SMC5: variants seen among roughly 807,000 people sequenced by gnomAD.
SMC5 encodes the protein structural maintenance of chromosomes 5, also known as structural maintenance of chromosomes protein 5.
Under a neutral mutation model 148.3 loss-of-function variants are expected in SMC5, and 88 were observed. That is an observed-to-expected ratio of 0.59 (90% confidence interval 0.50 to 0.71). The LOEUF (loss-of-function observed/expected upper bound fraction) is 0.71. SMC5 is among the 30% of genes least tolerant of loss of function. SMC5 has a pLI of 0.00. For synonymous variants in SMC5, 421 were observed against 432.8 expected (o/e 0.97, Z 0.34); for missense variants, 1,142 against 1,298.9 (o/e 0.88, Z 1.86).
At chr9:70,336,167 T>C (rs886617612) in intron 17 of SMC5, among the ~76,000 whole-genome samples, 8 of 152,136 alleles carry the variant, frequency 5.3e-5, no homozygotes, top group African/African-American at 1.9e-4. Flanking sequence ...TAGGGGTGCC[T>C]TTTTGTGGAA....
chr9:70,276,014 A>T (rs1264311657), intron 3 of SMC5, among the ~76,000 whole-genome samples: 7 of 152,206 alleles, frequency 4.6e-5, no homozygotes, highest in African/African-American at 1.7e-4. Context: ...TTTGTAGCGA[A>T]CTACTCTTCT....
intron 8 of SMC5, among the ~76,000 whole-genome samples, chr9:70,296,973 T>C (rs918785003): frequency 6.6e-6 from 1 of 152,240 alleles, no homozygotes; most frequent in Non-Finnish European, 1.5e-5. Flanking sequence ...AATATTAGTC[T>C]GAAGTATTGG....
rs201296190 is a variant in SMC5 at position 70,305,613 on chromosome 9, AG to A, written c.1578+254del. Among the ~76,000 whole-genome samples the A allele has an allele frequency of 9.5e-3, 1,454 of 152,342 alleles. 8 individuals carry two copies. Among genetic ancestry groups the A allele is most frequent in the Non-Finnish European group, 0.014 (953 of 68,032 alleles). On this transcript the variant is annotated intron_variant, in intron 11 of 24. Coordinates refer to ENST00000361138, the MANE Select transcript of SMC5 (RefSeq NM_015110.4). ...ATTATCATTTGAAATTAATGTGAAGAGTAAGTAATTTTATCATGTTTTAAGA... is the reference window on the plus strand; with the variant it reads ...ATTATCATTTGAAATTAATGTGAAGATAAGTAATTTTATCATGTTTTAAGA...
At chr9:70,334,210 A>G (rs2036299059) in intron 17 of SMC5, among the ~76,000 whole-genome samples, 1 of 151,920 alleles carries the variant, frequency 6.6e-6, no homozygotes, top group Non-Finnish European at 1.5e-5. Flanking sequence ...TGCTGGAACA[A>G]TTGCATAGTC....
rs2036833367 is a variant in SMC5, at chr9:70,352,784, C to T, written c.*453C>T. ...TTTTAAAAAATTGATATGAAAATGT[C>T]TAATGTATAGTAATAATTTATGACA... On this transcript the variant is annotated 3_prime_UTR_variant, in exon 25 of 25. Coordinates refer to ENST00000361138, the MANE Select transcript of SMC5 (RefSeq NM_015110.4). The T allele has an allele frequency of 6.5e-6, 1 of 152,696 alleles. No homozygotes were observed. The highest frequency in any genetic ancestry group is 2.4e-5 in the African/African-American group (1 of 41,354). The allele number at this position is 152,696 out of a possible 1,614,324, so 9.5% of individuals were successfully genotyped here.
At position 70,270,352 on chromosome 9, in the gene SMC5, C is replaced by T. The variant is rs576794843; in HGVS notation, c.380+2377C>T. ...ACTTTCCCAGCATATGGATGTGTTT[C>T]GTAATCTGGGAACTCTCTGAAACCC... On this transcript the variant is annotated intron_variant, in intron 3 of 24. Transcript: ENST00000361138. 2.0e-4 allele frequency among the ~76,000 whole-genome samples: 30 copies of T among 152,230 alleles called. No individual in the cohort carries two copies. In the East Asian group the frequency reaches 2.7e-3, roughly 14 times the overall value.
At chr9:70,271,400 C>T (rs1005574275) in intron 3 of SMC5, among the ~76,000 whole-genome samples, 1 of 152,110 alleles carries the variant, frequency 6.6e-6, no homozygotes, top group Non-Finnish European at 1.5e-5. Context: ...TAAAACAGCT[C>T]ATCATTAGTT....
intron 15 of SMC5, among the ~76,000 whole-genome samples, chr9:70,319,548 T>C (rs2035895353): frequency 6.6e-6 from 1 of 152,158 alleles, no homozygotes; most frequent in Non-Finnish European, 1.5e-5. Flanking sequence ...TTCCCATAAA[T>C]ATGCAGTTGG....
chr9:70,325,506 G>A (rs1255566869), intron 17 of SMC5, among the ~76,000 whole-genome samples: 3 of 152,112 alleles, frequency 2.0e-5, no homozygotes, highest in African/African-American at 4.8e-5. Flanking sequence ...AAACTGAGAG[G>A]CAACTTTATA....
chr9:70,318,379 C>A (rs940117446), intron 13 of SMC5, 135 bp from the exon 14 acceptor site: 142 of 644,462 alleles, frequency 2.2e-4, no homozygotes, highest in Non-Finnish European at 3.1e-4. Context: ...CAGAGTGAGA[C>A]CCTGTCTAAA....
In SMC5 at chr9:70,280,786, C is replaced by T. The variant is rs2034729854; in HGVS notation, c.706C>T (p.Leu236=). 1 of 1,612,882 alleles carries T rather than the reference C, an allele frequency of 6.2e-7. No individual in the cohort carries two copies. The highest frequency in any genetic ancestry group is 8.5e-7 in the Non-Finnish European group (1 of 1,179,640). The change falls in exon 6 of 25, where the codon CTA becomes TTA. Residue 236 remains leucine, a synonymous_variant. Coordinates refer to ENST00000361138, the MANE Select transcript of SMC5 (RefSeq NM_015110.4). ...CTCATGCAAAGAGAAAACTGAGTATCTACAGAAAATGGTTCAGAGGAATGA... is the reference window on the plus strand; with the variant it reads ...CTCATGCAAAGAGAAAACTGAGTATTTACAGAAAATGGTTCAGAGGAATGA... The part of the protein sequence containing the change: ...ETSCKEKTEY[L]QKMVQRNERY...
chr9:70,262,406 A>G (rs940643756), intron 1 of SMC5, among the ~76,000 whole-genome samples: 1 of 152,218 alleles, frequency 6.6e-6, no homozygotes, highest in Non-Finnish European at 1.5e-5. Flanking sequence ...TCAGATTTAC[A>G]ATTCTACCAG....
chr9:70,348,582 T>A (rs1447664419), intron 22 of SMC5, among the ~76,000 whole-genome samples: 1 of 151,724 alleles, frequency 6.6e-6, no homozygotes, highest in East Asian at 1.9e-4. Flanking sequence ...TCCCAGCTAC[T>A]CTGGAGGCTG....
At chr9:70,279,524 A>G (rs1402673965) in intron 5 of SMC5, among the ~76,000 whole-genome samples, 1 of 150,434 alleles carries the variant, frequency 6.6e-6, no homozygotes, top group East Asian at 2.0e-4. Flanking sequence ...GTGTCAAAAA[A>G]ATGGAAATCT....
intron 18 of SMC5, among the ~76,000 whole-genome samples, chr9:70,345,020 GAC>G (rs1435264966): frequency 6.6e-6 from 1 of 151,962 alleles, no homozygotes; most frequent in African/African-American, 2.4e-5. Context: ...TATGATATCA[GAC>G]ACAGAAATCA....
intron 17 of SMC5, among the ~76,000 whole-genome samples, chr9:70,338,702 C>T (rs564371744): frequency 2.6e-5 from 4 of 152,086 alleles, no homozygotes; most frequent in Non-Finnish European, 5.9e-5. Context: ...GTATCTTTCC[C>T]GTATCGTTTG....
chr9:70,329,257 G>T (rs886556704), intron 17 of SMC5, among the ~76,000 whole-genome samples: 5 of 152,146 alleles, frequency 3.3e-5, no homozygotes, highest in Non-Finnish European at 7.3e-5. Flanking sequence ...CTTTTCTACT[G>T]CATGGTTGGG....
At chr9:70,340,230 A>T (rs2036482173) in intron 17 of SMC5, among the ~76,000 whole-genome samples, 1 of 151,654 alleles carries the variant, frequency 6.6e-6, no homozygotes, top group Non-Finnish European at 1.5e-5. Context: ...TTTTCATCTG[A>T]CCTCTCTTCT....
intron 22 of SMC5, among the ~76,000 whole-genome samples, chr9:70,348,785 G>A (rs2036731693): frequency 1.3e-5 from 2 of 152,102 alleles, no homozygotes; most frequent in South Asian, 2.1e-4. Context: ...TTGCAATTTG[G>A]GCTAAAATTA....
Sources: gnomAD v4.1 joint callset for allele counts (sites outside exome capture counted in the v4.1 genomes callset) on GRCh38, gnomAD v4.1.1 for gene constraint, MANE v1.5 for transcripts, NCBI Gene and HGNC (gene_info 2026-07-23, HGNC 2026-07-21) for gene names.